EXOSC10: variants seen among roughly 807,000 people sequenced by gnomAD.
EXOSC10 encodes exosome complex component 10.
A neutral mutation model predicts 126.6 loss-of-function variants in EXOSC10; 94 were observed. That is an observed-to-expected ratio of 0.74 (90% CI 0.63 to 0.88). EXOSC10 has a LOEUF of 0.88. EXOSC10 is among the 40% of genes least tolerant of loss of function. The pLI is 0.00. For missense variants in EXOSC10, 1,041 were observed against 1,100.5 expected, an observed-to-expected ratio of 0.95 and a Z score of 0.77; for synonymous variants, 395 against 400.8, an observed-to-expected ratio of 0.99 and a Z score of 0.17.
rs1166026885 is a variant in EXOSC10 at position 11,091,013 on chromosome 1, C to A, written c.643+1G>T. On this transcript the variant is annotated splice_donor_variant, in intron 5 of 24. Transcript: ENST00000376936. LOFTEE classifies it high-confidence loss of function. ...ACACAGGCAAAGTATGCACTATTTA[C>A]CTTGAGGGAGAGGTTTCTGAGCATT... The A allele has an allele frequency of 6.2e-7, 1 of 1,613,602 alleles. No homozygotes were observed. Among genetic ancestry groups the A allele is most frequent in the East Asian group, 2.2e-5 (1 of 44,884 alleles).
At chr1:11,092,513 CT>C (rs1454793011) in intron 3 of EXOSC10, among the ~76,000 whole-genome samples, 1 of 149,132 alleles carries the variant, frequency 6.7e-6, no homozygotes, top group African/African-American at 2.5e-5. Flanking sequence ...GTGCCTGGCC[CT>C]GTTTTTCTTT....
At position 11,068,000 on chromosome 1, in the gene EXOSC10, C is replaced by T; in HGVS notation, c.2627+8G>A. On this transcript the variant is annotated splice_region_variant and intron_variant, in intron 24 of 24. Transcript: ENST00000376936. ...GCTCCCTGGGCCACACCGCCGTCCACCACATACCTGTCTGACTTTCCAGTT... is the reference window on the plus strand; with the variant it reads ...GCTCCCTGGGCCACACCGCCGTCCATCACATACCTGTCTGACTTTCCAGTT... 2 of 1,613,882 alleles carry T rather than the reference C, an allele frequency of 1.2e-6. No homozygotes were observed. The highest frequency in any genetic ancestry group is 8.5e-7 in the Non-Finnish European group (1 of 1,179,798).
In EXOSC10 at chr1:11,080,479, T is replaced by C. The variant is rs779749090; in HGVS notation, c.1637+20A>G. On this transcript the variant is annotated intron_variant, in intron 13 of 24. Transcript: ENST00000376936. The stretch of plus-strand genomic sequence containing the variant: ...ATCTACTGAGAAAGTCAGAACATAT[T>C]AATCAGATTTGAAACTCACTTAGGC... 2.8e-5 allele frequency: 45 copies of C among 1,612,814 alleles called. No homozygotes were observed. Among genetic ancestry groups the C allele is most frequent in the Non-Finnish European group, 3.8e-5 (45 of 1,179,610 alleles).
chr1:11,090,652 C>T lies in EXOSC10; in HGVS notation c.660G>A (p.Arg220=). The T allele has an allele frequency of 6.2e-7, 1 of 1,611,412 alleles. No individual in the cohort carries two copies. The highest frequency in any genetic ancestry group is 8.5e-7 in the Non-Finnish European group (1 of 1,178,834). The change falls in exon 6 of 25, where the codon AGG becomes AGA. Residue 220 remains arginine (R), a synonymous_variant. Coordinates refer to ENST00000376936, the MANE Select transcript of EXOSC10 (RefSeq NM_001001998.3). ...KPLPQALSKE[R]RERPQDRPED... ...CAGGACGATCCTGTGGGCGTTCCCG[C>T]CTTTCCTTAGAGAGAGCTGGGGATC...
At chr1:11,069,486 T>C (rs1411876031) in intron 22 of EXOSC10, 73 bp downstream of exon 22, 7 of 1,508,366 alleles carry the variant, frequency 4.6e-6, no homozygotes, top group Non-Finnish European at 6.3e-6. Flanking sequence ...GCCCCTATAT[T>C]GTGGTCTCTT....
intron 20 of EXOSC10, chr1:11,071,199 G>C (rs532143315): frequency 1.9e-6 from 1 of 531,152 alleles, no homozygotes; most frequent in South Asian, 2.7e-5. Flanking sequence ...CCCCAGCCCT[G>C]CCTGCTCCTC....
At chr1:11,098,815 C>T (rs1641259988) in intron 1 of EXOSC10, among the ~76,000 whole-genome samples, 1 of 152,076 alleles carries the variant, frequency 6.6e-6, no homozygotes, top group South Asian at 2.1e-4. Flanking sequence ...GAAAAAAAGC[C>T]GTGAAGTGAC....
In EXOSC10 at chr1:11,068,631, G is replaced by A. The variant is rs1345339245; in HGVS notation, c.2550+14C>T. The A allele has an allele frequency of 6.2e-7, 1 of 1,612,078 alleles. No individual in the cohort carries two copies. The highest frequency in any genetic ancestry group is 8.5e-7 in the Non-Finnish European group (1 of 1,178,230). On this transcript the variant is annotated intron_variant, in intron 23 of 24. Transcript: ENST00000376936. ...GCCACCAGCGTGCTAAAATCCTCCA[G>A]GAGCAGTTCTTACCTTGCCAGACGG...
chr1:11,090,590 A>G lies in EXOSC10; in HGVS notation c.722T>C (p.Ile241Thr), dbSNP rs1265221987. Reference protein sequence around the residue: ...LDVPPALADFIHQQRTQQVEQ... With the variant: ...LDVPPALADFTHQQRTQQVEQ... ...AACCTGCTGGGTTCTCTGCTGATGG[A>G]TGAAATCAGCCAGTGCAGGGGGGAC... Residue 241 changes from isoleucine (I) to threonine (T), a missense_variant, in exon 6 of 25, where the codon ATC (isoleucine) becomes ACC (threonine). Around this residue, in one of 3 missense-constraint regions of EXOSC10, gnomAD observed 645 missense variants for 656.3 expected, o/e 0.98. Coordinates refer to ENST00000376936, the MANE Select transcript of EXOSC10 (RefSeq NM_001001998.3). The G allele has an allele frequency of 6.2e-7, 1 of 1,614,130 alleles. No individual in the cohort carries two copies. The highest frequency in any genetic ancestry group is 8.5e-7 in the Non-Finnish European group (1 of 1,180,014).
chr1:11,072,484 G>C (rs2791650), intron 19 of EXOSC10: 150,349 of 238,236 alleles, frequency 0.63, 51,623 homozygotes, highest in East Asian at 0.77. Context: ...CTCCGGGAGA[G>C]TAAATAACTT....
At chr1:11,082,591 G>A (rs948345665) in intron 10 of EXOSC10, 97 bp downstream of exon 10, 1 of 1,558,344 alleles carries the variant, frequency 6.4e-7, no homozygotes. Flanking sequence ...ATCTCAATGA[G>A]CGTGGTAGGG....
intron 1 of EXOSC10, among the ~76,000 whole-genome samples, chr1:11,099,090 G>A (rs1641277649): frequency 1.3e-5 from 2 of 152,258 alleles, no homozygotes; most frequent in East Asian, 1.9e-4. Flanking sequence ...AATTTATAGG[G>A]TTAATTTACA....
chr1:11,073,899 A>AT, intron 19 of EXOSC10, 35 bp downstream of exon 19: 40 of 855,568 alleles, frequency 4.7e-5, no homozygotes, highest in Non-Finnish European at 6.8e-5. Flanking sequence ...AAAAAAAAAA[A>AT]AGTCTCTTTT....
chr1:11,069,434 A>T, intron 22 of EXOSC10, 125 bp downstream of exon 22: 3 of 1,164,544 alleles, frequency 2.6e-6, no homozygotes, highest in Non-Finnish European at 3.7e-6. Flanking sequence ...GACTACTCCA[A>T]CAATTCCTGG....
At chr1:11,095,669 G>A (rs529714890) in intron 3 of EXOSC10, 89 bp downstream of exon 3, 62 of 1,195,508 alleles carry the variant, frequency 5.2e-5, no homozygotes, top group Admixed American at 3.6e-4. Context: ...AGTCGAGATC[G>A]CATCACTGCA....
In EXOSC10 at chr1:11,072,083, T is replaced by G; in HGVS notation, c.2242+4A>C. On this transcript the variant is annotated splice_donor_region_variant and intron_variant, in intron 20 of 24. Coordinates refer to ENST00000376936, the MANE Select transcript of EXOSC10 (RefSeq NM_001001998.3). ...CGACTGAGTTGCAAGGAAGTGAGTG[T>G]TACCTGTTTGCTCAGCTGCCTTCTT... 1 of 1,611,282 alleles carries G rather than the reference T, an allele frequency of 6.2e-7. No homozygotes were observed. Among genetic ancestry groups the G allele is most frequent in the Non-Finnish European group, 8.5e-7 (1 of 1,178,364 alleles).
chr1:11,089,609 G>A (rs146654044), intron 6 of EXOSC10, among the ~76,000 whole-genome samples: 139 of 139,476 alleles, frequency 1.0e-3, no homozygotes, highest in African/African-American at 3.5e-3. Context: ...CAACAAGAGC[G>A]AAACTCCGTC....
intron 2 of EXOSC10, among the ~76,000 whole-genome samples, chr1:11,096,270 C>A (rs1641080804): frequency 6.6e-6 from 1 of 152,098 alleles, no homozygotes; most frequent in East Asian, 1.9e-4. Context: ...CATGCCTCAG[C>A]CTCCTGAGTA....
Position 11,091,536 on chromosome 1 carries a change from C to G in EXOSC10, c.434G>C (p.Gly145Ala). Residue 145 changes from glycine to alanine, a missense_variant, in exon 4 of 25, where the codon GGC (glycine) becomes GCC (alanine). Physicochemically the swap from Gly to Ala is moderately conservative, Grantham distance 60. This residue lies in a region of EXOSC10 where 645 missense variants were observed against 656.3 expected (regional missense o/e 0.98). Coordinates refer to ENST00000376936, the MANE Select transcript of EXOSC10 (RefSeq NM_001001998.3). Reference protein sequence around the residue: ...NKNQQPVLPAGLQVPKTVVSS... With the variant: ...NKNQQPVLPAALQVPKTVVSS... Reference sequence around the variant, plus strand: ...CACTACCGTTTTGGGGACCTGCAAGCCGGCAGGGAGGACAGGCTGTTGATT... The same window carrying G: ...CACTACCGTTTTGGGGACCTGCAAGGCGGCAGGGAGGACAGGCTGTTGATT... 1 of 1,614,186 alleles carries G rather than the reference C, an allele frequency of 6.2e-7. No homozygotes were observed. Among genetic ancestry groups the G allele is most frequent in the Non-Finnish European group, 8.5e-7 (1 of 1,180,026 alleles).
Sources: allele counts gnomAD v4.1 joint callset (sites outside exome capture counted in the v4.1 genomes callset), GRCh38; gene constraint gnomAD v4.1.1; regional missense constraint gnomAD v4.1.1; transcripts MANE v1.5; gene names NCBI Gene and HGNC (gene_info 2026-07-23, HGNC 2026-07-21).